CFAP95: variants seen among roughly 807,000 people sequenced by gnomAD.
CFAP95 encodes cilia and flagella associated protein 95.
chr9:69,822,322 T>C, the CFAP95 span, among the ~76,000 whole-genome samples: 1 of 152,260 alleles, frequency 6.6e-6, no homozygotes, highest in African/African-American at 2.4e-5. Context: ...ATGCGACCCC[T>C]GCAGTTTCTG....
At chr9:69,850,996 C>A in the CFAP95 span, among the ~76,000 whole-genome samples, 1 of 152,160 alleles carries the variant, frequency 6.6e-6, no homozygotes, top group Non-Finnish European at 1.5e-5. Flanking sequence ...CATTTCCAGA[C>A]GTTTGGGATG....
the CFAP95 span, among the ~76,000 whole-genome samples, chr9:69,854,065 G>A: frequency 6.6e-6 from 1 of 152,180 alleles, no homozygotes; most frequent in African/African-American, 2.4e-5. Context: ...TAAAGTTTGG[G>A]GATTCTATTG....
At chr9:69,900,976 A>G in the CFAP95 span, among the ~76,000 whole-genome samples, 1 of 152,030 alleles carries the variant, frequency 6.6e-6, no homozygotes, top group African/African-American at 2.4e-5. Flanking sequence ...TTAACTCATC[A>G]TTTACATTAG....
chr9:69,873,256 C>T, the CFAP95 span, among the ~76,000 whole-genome samples: 1 of 152,122 alleles, frequency 6.6e-6, no homozygotes, highest in Non-Finnish European at 1.5e-5. Flanking sequence ...GTTGCCACTG[C>T]ACTCTAGCTA....
the CFAP95 span, among the ~76,000 whole-genome samples, chr9:69,867,119 G>T: frequency 0.031 from 4,677 of 152,306 alleles, 211 homozygotes; most frequent in African/African-American, 0.11. Flanking sequence ...AGTATTTGGG[G>T]TTGTGACTCA....
chr9:69,881,013 T>A, the CFAP95 span, among the ~76,000 whole-genome samples: 3 of 150,768 alleles, frequency 2.0e-5, no homozygotes, highest in Admixed American at 1.3e-4. Flanking sequence ...GATTATTAGA[T>A]TTTTTTTTTC....
the CFAP95 span, chr9:69,844,511 C>G: frequency 6.3e-7 from 1 of 1,575,016 alleles, no homozygotes. Flanking sequence ...CTAATTTTTT[C>G]TTAAGGCACC....
the CFAP95 span, among the ~76,000 whole-genome samples, chr9:69,847,536 C>T: frequency 6.6e-6 from 1 of 152,188 alleles, no homozygotes; most frequent in African/African-American, 2.4e-5. Flanking sequence ...TACACTGCAC[C>T]TTCCTTGTAG....
the CFAP95 span, among the ~76,000 whole-genome samples, chr9:69,901,700 G>T: frequency 3.3e-5 from 5 of 152,096 alleles, no homozygotes; most frequent in African/African-American, 9.7e-5. Flanking sequence ...TTGGGTATAT[G>T]CCCAGTAATG....
the CFAP95 span, among the ~76,000 whole-genome samples, chr9:69,849,625 T>G: frequency 6.6e-6 from 1 of 152,012 alleles, no homozygotes; most frequent in African/African-American, 2.4e-5. Flanking sequence ...TGAACTGAAA[T>G]GGGTTGGAAG....
chr9:69,832,892 A>G, the CFAP95 span, among the ~76,000 whole-genome samples: 1 of 151,938 alleles, frequency 6.6e-6, no homozygotes, highest in Non-Finnish European at 1.5e-5. Flanking sequence ...AGTTTTTCTT[A>G]GAAAGTCATG....
the CFAP95 span, chr9:69,857,848 C>T: frequency 6.6e-7 from 1 of 1,512,694 alleles, no homozygotes; most frequent in Admixed American, 1.7e-5. Flanking sequence ...TTTTACATGG[C>T]TTTGAAAGTT....
chr9:69,889,586 T>G, the CFAP95 span, among the ~76,000 whole-genome samples: 2 of 152,164 alleles, frequency 1.3e-5, no homozygotes, highest in African/African-American at 4.8e-5. Flanking sequence ...CAAATTATTC[T>G]TAAAACCCCT....
At chr9:69,856,772 G>A in the CFAP95 span, 2 of 664,852 alleles carry the variant, frequency 3.0e-6, no homozygotes, top group South Asian at 2.4e-5. Context: ...CCACACTAAA[G>A]GAACATATCA....
the CFAP95 span, among the ~76,000 whole-genome samples, chr9:69,901,909 T>G: frequency 1.3e-5 from 2 of 152,188 alleles, no homozygotes; most frequent in African/African-American, 2.4e-5. Context: ...TATCTCACTG[T>G]GGTTTTGATT....
the CFAP95 span, chr9:69,820,883 G>A: frequency 9.9e-6 from 16 of 1,613,862 alleles, no homozygotes; most frequent in African/African-American, 1.3e-5. Flanking sequence ...GGCTCCCATG[G>A]ATAGCCTTGA....
At chr9:69,866,894 G>A in the CFAP95 span, among the ~76,000 whole-genome samples, 1 of 152,194 alleles carries the variant, frequency 6.6e-6, no homozygotes, top group Non-Finnish European at 1.5e-5. Context: ...AGGCAAGAGT[G>A]CTACCTGAGT....
the CFAP95 span, among the ~76,000 whole-genome samples, chr9:69,867,599 C>G: frequency 1.1e-4 from 17 of 152,228 alleles, no homozygotes; most frequent in African/African-American, 3.9e-4. Context: ...CCCTCTGCAG[C>G]TGGGCTGGCC....
the CFAP95 span, among the ~76,000 whole-genome samples, chr9:69,849,554 G>T: frequency 1.6e-4 from 24 of 152,282 alleles, no homozygotes; most frequent in African/African-American, 5.8e-4. Flanking sequence ...CATAACCACG[G>T]TGGCAAAGGG....
Sources: gnomAD v4.1 joint callset for allele counts (sites outside exome capture counted in the v4.1 genomes callset) on GRCh38, gnomAD v4.1.1 for gene constraint, MANE v1.5 for transcripts, NCBI Gene and HGNC (gene_info 2026-07-23, HGNC 2026-07-21) for gene names.